CATSPERT: variants seen among roughly 807,000 people sequenced by gnomAD.
The protein encoded by CATSPERT is catsper channel auxiliary subunit tau.
At chr2:201,618,583 T>G in the CATSPERT span, among the ~76,000 whole-genome samples, 1 of 148,914 alleles carries the variant, frequency 6.7e-6, no homozygotes, top group Non-Finnish European at 1.5e-5. Flanking sequence ...GGAGGAGGGA[T>G]AGCATTAGGA....
At chr2:201,493,189 C>G in the CATSPERT span, 45 of 1,534,102 alleles carry the variant, frequency 2.9e-5, no homozygotes, top group Non-Finnish European at 3.9e-5. Flanking sequence ...GTTAGTTAAA[C>G]TTTCTAAAGT....
At chr2:201,572,152 T>C in the CATSPERT span, 8 of 567,642 alleles carry the variant, frequency 1.4e-5, no homozygotes, top group South Asian at 2.5e-5. Context: ...AAATGAGACA[T>C]GTAAGGAAAT....
chr2:201,532,813 G>A, the CATSPERT span, among the ~76,000 whole-genome samples: 1 of 152,154 alleles, frequency 6.6e-6, no homozygotes, highest in South Asian at 2.1e-4. Flanking sequence ...TGAGGACTGA[G>A]AACTGATAAC....
At chr2:201,596,627 A>C in the CATSPERT span, among the ~76,000 whole-genome samples, 1 of 152,216 alleles carries the variant, frequency 6.6e-6, no homozygotes, top group Non-Finnish European at 1.5e-5. Flanking sequence ...ATATGTTATA[A>C]ATTGAGTGAC....
chr2:201,529,288 C>T, the CATSPERT span, among the ~76,000 whole-genome samples: 5 of 152,014 alleles, frequency 3.3e-5, no homozygotes, highest in African/African-American at 1.2e-4. Context: ...CCCAAACAGC[C>T]AAAGCAATCT....
chr2:201,556,880 G>GA, the CATSPERT span: 2 of 151,336 alleles, frequency 1.3e-5, no homozygotes, highest in Middle Eastern at 3.4e-3. Flanking sequence ...AGCAAAAAAA[G>GA]AAAAAAGTAA....
chr2:201,505,733 G>C, the CATSPERT span, among the ~76,000 whole-genome samples: 1 of 152,152 alleles, frequency 6.6e-6, no homozygotes, highest in East Asian at 1.9e-4. Flanking sequence ...TGAATCTTGA[G>C]ACACAAAGAG....
the CATSPERT span, among the ~76,000 whole-genome samples, chr2:201,520,112 A>G: frequency 6.6e-6 from 1 of 152,226 alleles, no homozygotes; most frequent in Admixed American, 6.5e-5. Flanking sequence ...TCAAGTCAGC[A>G]AGAAAATAAC....
At chr2:201,604,718 G>T in the CATSPERT span, 1 of 1,529,544 alleles carries the variant, frequency 6.5e-7, no homozygotes, top group Non-Finnish European at 8.9e-7. Context: ...AATAAATTAA[G>T]ATTTGGGAAG....
the CATSPERT span, among the ~76,000 whole-genome samples, chr2:201,561,775 G>A: frequency 3.3e-5 from 5 of 151,898 alleles, no homozygotes; most frequent in Admixed American, 6.6e-5. Flanking sequence ...TCGGGAGGCT[G>A]AGGCAAGAGA....
the CATSPERT span, among the ~76,000 whole-genome samples, chr2:201,531,668 T>C: frequency 6.6e-6 from 1 of 152,092 alleles, no homozygotes; most frequent in Non-Finnish European, 1.5e-5. Flanking sequence ...GAATGAACCC[T>C]GAGAAGATCC....
chr2:201,522,604 C>T, the CATSPERT span, among the ~76,000 whole-genome samples: 187 of 152,296 alleles, frequency 1.2e-3, no homozygotes, highest in African/African-American at 4.4e-3. Context: ...GGCCCACTCT[C>T]AACATGGATC....
chr2:201,563,047 G>A, the CATSPERT span, among the ~76,000 whole-genome samples: 14 of 151,358 alleles, frequency 9.2e-5, no homozygotes, highest in Middle Eastern at 6.9e-3. Context: ...TCCCAGACGG[G>A]GTGGTGGCCG....
the CATSPERT span, chr2:201,549,687 G>T: frequency 1.5e-4 from 23 of 151,990 alleles, no homozygotes; most frequent in African/African-American, 5.1e-4. Flanking sequence ...TATTATAGAA[G>T]AACTACACTT....
At chr2:201,492,068 C>T in the CATSPERT span, 1 of 1,529,066 alleles carries the variant, frequency 6.5e-7, no homozygotes, top group Non-Finnish European at 8.7e-7. Context: ...GATGAATTTC[C>T]CTTTAAATTC....
chr2:201,527,137 C>T, the CATSPERT span, among the ~76,000 whole-genome samples: 1 of 130,644 alleles, frequency 7.7e-6, no homozygotes, highest in Admixed American at 8.4e-5. Flanking sequence ...AGAGCCAAAT[C>T]AAGAACACAA....
At chr2:201,507,675 T>C in the CATSPERT span, among the ~76,000 whole-genome samples, 1 of 152,198 alleles carries the variant, frequency 6.6e-6, no homozygotes, top group African/African-American at 2.4e-5. Flanking sequence ...ATAATTAGCA[T>C]GTTGTATTAG....
At chr2:201,596,654 C>G in the CATSPERT span, among the ~76,000 whole-genome samples, 1 of 152,164 alleles carries the variant, frequency 6.6e-6, no homozygotes, top group South Asian at 2.1e-4. Flanking sequence ...CCACCAGTTT[C>G]TTACATTTTT....
At chr2:201,505,480 G>A in the CATSPERT span, among the ~76,000 whole-genome samples, 1,299 of 152,214 alleles carry the variant, frequency 8.5e-3, 27 homozygotes, top group African/African-American at 0.03. Context: ...CACTGAGAAG[G>A]GCACTTCACC....
Sources: allele counts gnomAD v4.1 joint callset (sites outside exome capture counted in the v4.1 genomes callset), GRCh38; gene constraint gnomAD v4.1.1; transcripts MANE v1.5; gene names NCBI Gene and HGNC (gene_info 2026-07-23, HGNC 2026-07-21).